Variants in ARHGAP44 observed in about 807,000 individuals in gnomAD.
ARHGAP44 encodes the protein rho GTPase-activating protein 44.
A neutral mutation model predicts 106.8 loss-of-function variants in ARHGAP44; 43 were observed. That is an observed-to-expected ratio of 0.40 (90% CI 0.32 to 0.52). ARHGAP44 has a LOEUF of 0.52. Ranked by LOEUF, ARHGAP44 falls within the 20% of genes least tolerant of loss-of-function variation. ARHGAP44 has a pLI of 0.48. For missense variants in ARHGAP44, 866 were observed against 1,050.5 expected (o/e 0.82, Z 2.43); for synonymous variants, 439 against 410.3 (o/e 1.07, Z -0.85).
chr17:12,789,755 C>T lies in ARHGAP44; in HGVS notation c.-84C>T, dbSNP rs1238499271. 9 of 1,259,220 alleles carry T rather than the reference C, an allele frequency of 7.1e-6. No homozygotes were observed. The East Asian group carries it at 1.9e-4, about 27-fold the overall frequency. 78.0% of individuals were successfully genotyped at this position (1,259,220 alleles called of 1,614,324 possible). ...CGCCGCCGTCGCCCGGGAGGCTCCG[C>T]GCGGGAGCCATGTAACCCTGCGGCG... On this transcript the variant is annotated 5_prime_UTR_variant, in exon 1 of 21. Coordinates refer to ENST00000379672, the MANE Select transcript of ARHGAP44 (RefSeq NM_014859.6).
chr17:12,823,606 T>A (rs2034836757), intron 1 of ARHGAP44, among the ~76,000 whole-genome samples: 1 of 152,188 alleles, frequency 6.6e-6, no homozygotes, highest in African/African-American at 2.4e-5. Context: ...CAAACTTTGC[T>A]GTGTTATATT....
chr17:12,990,340 ATGCTGGTGG>A lies in ARHGAP44; in HGVS notation c.*173_*181del. The A allele has an allele frequency of 3.6e-6, 3 of 839,102 alleles. No homozygotes were observed. Among genetic ancestry groups the A allele is most frequent in the South Asian group, 1.9e-5 (1 of 51,768 alleles). The allele number at this position is 839,102 out of a possible 1,614,324, so 52.0% of individuals were successfully genotyped here. On this transcript the variant is annotated 3_prime_UTR_variant, in exon 21 of 21. Coordinates refer to ENST00000379672, the MANE Select transcript of ARHGAP44 (RefSeq NM_014859.6). The stretch of plus-strand genomic sequence containing the variant: ...ATTGTGATCTCCAGTCCGTGTGGTG[ATGCTGGTGG>A]TGCAGGTTTTGTTTGTTCCTTTCGG...
intron 1 of ARHGAP44, among the ~76,000 whole-genome samples, chr17:12,803,710 A>G (rs2034189669): frequency 6.6e-6 from 1 of 151,952 alleles, no homozygotes; most frequent in African/African-American, 2.4e-5. Context: ...TCTTGCCCTT[A>G]GCCTCTTCTT....
In ARHGAP44 at chr17:12,789,863, C is replaced by A. The variant is rs867676657; in HGVS notation, c.25C>A (p.Arg9Ser). MKKQFNRM[R>S]QLANQTVGRA... ...GATGAAGAAGCAGTTCAATCGCATG[C>A]GCCAGCTGGCCAACCAGACGGTGGG... The change falls in exon 1 of 21, where the codon CGC becomes AGC. Residue 9 changes from arginine (R) to serine (S), a missense_variant. Arg to Ser is a moderately radical substitution (Grantham distance 110, BLOSUM62 -1). Transcript: ENST00000379672. 1 of 1,522,056 alleles carries A rather than the reference C, an allele frequency of 6.6e-7. No homozygotes were observed. The highest frequency in any genetic ancestry group is 2.2e-5 in the Admixed American group (1 of 44,936). 94.3% of individuals were successfully genotyped at this position (1,522,056 alleles called of 1,614,324 possible). A position where few individuals can be genotyped will look rare whatever the true frequency, so the allele number is the denominator to read the frequency against.
chr17:12,827,217 ATTG>A (rs1401985267), intron 1 of ARHGAP44, among the ~76,000 whole-genome samples: 1 of 152,016 alleles, frequency 6.6e-6, no homozygotes, highest in African/African-American at 2.4e-5. Flanking sequence ...TAAAATATGT[ATTG>A]TTGTTTTGGT....
At chr17:12,903,975 T>A (rs1039665150) in intron 3 of ARHGAP44, among the ~76,000 whole-genome samples, 10 of 152,214 alleles carry the variant, frequency 6.6e-5, no homozygotes, top group African/African-American at 2.4e-4. Context: ...GAAAGAGAAA[T>A]CATTTGTAGT....
intron 7 of ARHGAP44, 127 bp downstream of exon 7, chr17:12,929,173 C>T: frequency 1.2e-6 from 1 of 847,134 alleles, no homozygotes; most frequent in Non-Finnish European, 1.8e-6. Flanking sequence ...TGTCCCCAAG[C>T]CCGCCGGCTA....
chr17:12,802,548 G>A (rs2034125563), intron 1 of ARHGAP44, among the ~76,000 whole-genome samples: 1 of 152,088 alleles, frequency 6.6e-6, no homozygotes, highest in Non-Finnish European at 1.5e-5. Context: ...TACAATGACA[G>A]CAGTGAGGAG....
chr17:12,958,669 G>A lies in ARHGAP44; in HGVS notation c.1343-48G>A, dbSNP rs749720249. 41 of 1,581,062 alleles carry A rather than the reference G, an allele frequency of 2.6e-5. No individual in the cohort carries two copies. The African/African-American group carries it at 5.1e-4, about 20-fold the overall frequency. On this transcript the variant is annotated intron_variant, in intron 15 of 20. Transcript: ENST00000379672. The surrounding 1 kb of genome is among the most constrained non-coding windows in gnomAD (Gnocchi z 4.1). The stretch of plus-strand genomic sequence containing the variant: ...CTCATTCCTCCCCTGCCCAGGAAGG[G>A]TGTGGCAGACCAAGAGTTCACATGT...
At chr17:12,882,229 CAA>C (rs2036760873) in intron 1 of ARHGAP44, among the ~76,000 whole-genome samples, 1 of 151,868 alleles carries the variant, frequency 6.6e-6, no homozygotes, top group South Asian at 2.1e-4. Flanking sequence ...AAATTTATTT[CAA>C]GTTTCTTTGC....
chr17:12,789,912 G>A (rs2033682255), intron 1 of ARHGAP44, 21 bp downstream of exon 1: 3 of 1,508,106 alleles, frequency 2.0e-6, no homozygotes, highest in African/African-American at 2.9e-5. Flanking sequence ...CGCGGGCACC[G>A]CTGTCGGTGC....
intron 1 of ARHGAP44, among the ~76,000 whole-genome samples, chr17:12,809,371 G>C (rs1440558811): frequency 6.6e-6 from 1 of 152,174 alleles, no homozygotes; most frequent in Admixed American, 6.5e-5. Context: ...AAGGAAAGAG[G>C]TTTAATTGAC....
chr17:12,987,669 C>T (rs1003355739), intron 20 of ARHGAP44: 2 of 152,380 alleles, frequency 1.3e-5, no homozygotes, highest in African/African-American at 4.8e-5. Flanking sequence ...ACCAGCAGAT[C>T]TCCCCTTCCA....
intron 5 of ARHGAP44, among the ~76,000 whole-genome samples, chr17:12,916,559 A>G (rs2037921500): frequency 6.6e-6 from 1 of 151,972 alleles, no homozygotes; most frequent in Non-Finnish European, 1.5e-5. Context: ...TAATTATTAT[A>G]TTTTTAGTAG....
At chr17:12,907,636 G>A (rs1336848177) in intron 3 of ARHGAP44, among the ~76,000 whole-genome samples, 41 of 152,164 alleles carry the variant, frequency 2.7e-4, no homozygotes, top group Non-Finnish European at 2.9e-5. Flanking sequence ...CATCTGTGTT[G>A]TACCATGCAG....
intron 3 of ARHGAP44, among the ~76,000 whole-genome samples, chr17:12,903,132 A>AGAGAGAGAGAG (rs2037438467): frequency 7.9e-6 from 1 of 125,876 alleles, no homozygotes; most frequent in Non-Finnish European, 1.7e-5. Flanking sequence ...GAGAGGAGAG[A>AGAGAGAGAGAG]GAGAGAGAGT....
At chr17:12,938,069 G>T (rs1388771820) in intron 7 of ARHGAP44, among the ~76,000 whole-genome samples, 1 of 145,782 alleles carries the variant, frequency 6.9e-6, no homozygotes, top group South Asian at 2.4e-4. Context: ...CTGCACTCCA[G>T]CCTGGGTGAC....
intron 10 of ARHGAP44, among the ~76,000 whole-genome samples, chr17:12,947,404 A>G (rs1273845712): frequency 1.3e-5 from 2 of 152,016 alleles, no homozygotes; most frequent in African/African-American, 4.8e-5. Flanking sequence ...GTTTAGCACC[A>G]TGGTCCCCTC....
At chr17:12,972,006 G>A (rs1292100426) in intron 16 of ARHGAP44, among the ~76,000 whole-genome samples, 2 of 152,148 alleles carry the variant, frequency 1.3e-5, no homozygotes, top group Non-Finnish European at 2.9e-5. Context: ...AAATCTTGCT[G>A]TACCTCTACA....
Sources: gnomAD v4.1 joint callset for allele counts (sites outside exome capture counted in the v4.1 genomes callset) on GRCh38, gnomAD v4.1.1 for gene constraint, Gnocchi (gnomAD v3.1) non-coding constraint, MANE v1.5 for transcripts, NCBI Gene and HGNC (gene_info 2026-07-23, HGNC 2026-07-21) for gene names.